Variants in LRP10 observed in about 807,000 individuals in gnomAD.
LRP10 encodes the protein low-density lipoprotein receptor-related protein 10.
LRP10 carries 42 observed loss-of-function variants against 58.5 expected under a neutral mutation model. That is an observed-to-expected ratio of 0.72 (90% confidence interval 0.56 to 0.93). The LOEUF (loss-of-function observed/expected upper bound fraction) is 0.93. Among genes scored for constraint, LRP10 ranks in the 40% least tolerant of loss-of-function variants. The probability of loss-of-function intolerance (pLI) is 0.00; values close to 1 mark genes in which losing one functional copy is unlikely to be tolerated. For synonymous variants in LRP10, 377 were observed against 388.5 expected, an observed-to-expected ratio of 0.97 and a Z score of 0.35; for missense variants, 872 against 940.1, an observed-to-expected ratio of 0.93 and a Z score of 0.95.
At chr14:22,873,171 G>A in intron 2 of LRP10, 140 bp from the exon 3 acceptor site, 1 of 986,096 alleles carries the variant, frequency 1.0e-6, no homozygotes, top group Non-Finnish European at 1.5e-6. Context: ...GTAACTCTAG[G>A]CTGTGTGTGG....
Position 22,879,409 on chromosome 14 carries a change from C to T in LRP10, c.*1882C>T, listed in dbSNP as rs943852017. On this transcript the variant is annotated 3_prime_UTR_variant, in exon 7 of 7. Transcript: ENST00000359591. ...CGCAAACAATCCAGGATCCACTCAG[C>T]GTCAGGCCCAATGGAAATAGTGAAG... 8 of 290,330 alleles carry T rather than the reference C, an allele frequency of 2.8e-5. No individual in the cohort carries two copies. Among genetic ancestry groups the T allele is most frequent in the East Asian group, 7.8e-5 (1 of 12,852 alleles). 18.0% of individuals were successfully genotyped at this position (290,330 alleles called of 1,614,324 possible).
At position 22,877,519 on chromosome 14, in the gene LRP10, C is replaced by G. The variant is rs754741685; in HGVS notation, c.2134C>G (p.Leu712Val). 2.5e-6 allele frequency: 4 copies of G among 1,599,168 alleles called. No homozygotes were observed. Among genetic ancestry groups the G allele is most frequent in the Non-Finnish European group, 3.4e-6 (4 of 1,172,478 alleles). Residue 712 changes from leucine (L) to valine (V), a missense_variant, in exon 7 of 7, where the codon CTT becomes GTT. Coordinates refer to ENST00000359591, the MANE Select transcript of LRP10 (RefSeq NM_014045.5). The surrounding 1 kb of genome is among the most constrained non-coding windows in gnomAD (Gnocchi z 5.1). The stretch of plus-strand genomic sequence containing the variant: ...AGCTGAGGCAGAGGATGAGCCACTG[C>G]TTACCTGAGGGGACCTGGGGGCTCT... ...WVAEAEDEPLLT is the reference protein window; with the variant it reads ...WVAEAEDEPLVT
chr14:22,871,766 G>C lies in LRP10; in HGVS notation c.-538G>C, dbSNP rs2039955669. 1 of 178,236 alleles carries C rather than the reference G, an allele frequency of 5.6e-6. No homozygotes were observed. Among genetic ancestry groups the C allele is most frequent in the Admixed American group, 6.3e-5 (1 of 15,894 alleles). The allele number at this position is 178,236 out of a possible 1,614,324, so 11.0% of individuals were successfully genotyped here. ...CCCGCCCCGGCTACTCCAACCCCTG[G>C]GCGGGCGGGGGTACCGCCTGGGCAA... On this transcript the variant is annotated 5_prime_UTR_variant, in exon 1 of 7. Transcript: ENST00000359591.
intron 2 of LRP10, chr14:22,872,988 T>C (rs1159351431): frequency 1.3e-5 from 8 of 623,472 alleles, no homozygotes; most frequent in Admixed American, 2.9e-5. Context: ...TCTGGGAATA[T>C]CTATGCTTGA....
At chr14:22,873,290 G>C (rs200843875) in intron 2 of LRP10, 21 bp from the exon 3 acceptor site, 2 of 1,607,994 alleles carry the variant, frequency 1.2e-6, no homozygotes, top group African/African-American at 2.7e-5. Context: ...TACTACCCGT[G>C]TCCTACCTTC....
At position 22,872,278 on chromosome 14, in the gene LRP10, C is replaced by A; in HGVS notation, c.-26C>A. The A allele has an allele frequency of 6.2e-7, 1 of 1,613,856 alleles. No homozygotes were observed. Among genetic ancestry groups the A allele is most frequent in the Non-Finnish European group, 8.5e-7 (1 of 1,179,796 alleles). On this transcript the variant is annotated 5_prime_UTR_variant, in exon 1 of 7. Coordinates refer to ENST00000359591, the MANE Select transcript of LRP10 (RefSeq NM_014045.5). ...GGTAGACCACAGAAGCTCCGGGACC[C>A]TTCCGGCACCTCTGGACAGCCCAGG...
In LRP10 at chr14:22,876,742, C is replaced by T. The variant is rs771554521; in HGVS notation, c.1478C>T (p.Pro493Leu). ...GCTGAGATTGTGCAGCAGCAGGCACCCCCTTCCTACGGGCAGCTCATTGCC... is the reference window on the plus strand; with the variant it reads ...GCTGAGATTGTGCAGCAGCAGGCACTCCCTTCCTACGGGCAGCTCATTGCC... The part of the protein sequence containing the change: ...MEAEIVQQQA[P>L]PSYGQLIAQG... The change falls in exon 6 of 7, where the codon CCC (proline) becomes CTC (leucine). Residue 493 changes from proline (P) to leucine (L), a missense_variant. Physicochemically the swap from Pro to Leu is moderately conservative, Grantham distance 98. Transcript: ENST00000359591. 1 of 1,614,036 alleles carries T rather than the reference C, an allele frequency of 6.2e-7. No individual in the cohort carries two copies.
Position 22,876,340 on chromosome 14 carries a change from C to T in LRP10, c.1392C>T (p.Cys464=), listed in dbSNP as rs1331978317. The change falls in exon 5 of 7, where the codon TGC becomes TGT. Residue 464 remains cysteine, a synonymous_variant. Coordinates refer to ENST00000359591, the MANE Select transcript of LRP10 (RefSeq NM_014045.5). ...LLLVIALGCT[C]KLYAIRTQEY... ...TGGTCATCGCCCTGGGCTGCACCTG[C>T]AAGCTCTATGCCATTCGCACCCAGG... 1.2e-6 allele frequency: 2 copies of T among 1,614,040 alleles called. No homozygotes were observed. Among genetic ancestry groups the T allele is most frequent in the South Asian group, 1.1e-5 (1 of 91,092 alleles).
In LRP10 at chr14:22,876,493, G is replaced by A. The variant is rs1209800813; in HGVS notation, c.1424+121G>A. ...AGAGGCTCCCATGATCAGCTTGTCA[G>A]TTGTGTCCTGTAAGGGACAGGTCCA... On this transcript the variant is annotated intron_variant, in intron 5 of 6. Transcript: ENST00000359591. 8 of 1,372,162 alleles carry A rather than the reference G, an allele frequency of 5.8e-6. No individual in the cohort carries two copies. In the African/African-American group the frequency reaches 7.1e-5, roughly 12 times the overall value. The allele number at this position is 1,372,162 out of a possible 1,614,324, so 85.0% of individuals were successfully genotyped here.
rs140145674 is a variant in LRP10 at position 22,875,184 on chromosome 14, T to A, written c.345T>A (p.Thr115=). ...LQLPGGNVTI[T]YSYAGARAPM... is the part of the protein sequence containing the mutation. ...TGCCCGGGGGCAACGTCACCATCAC[T>A]TACAGCTATGCTGGGGCCAGAGCAC... The change falls in exon 4 of 7, where the codon ACT becomes ACA. Residue 115 remains threonine, a synonymous_variant. Transcript: ENST00000359591. The A allele has an allele frequency of 1.2e-4, 193 of 1,613,150 alleles. 1 individual carries two copies. In the African/African-American group the frequency reaches 2.5e-3, roughly 21 times the overall value.
Position 22,872,037 on chromosome 14 carries a change from C to T in LRP10, c.-267C>T, listed in dbSNP as rs1595026915. The stretch of plus-strand genomic sequence containing the variant: ...CGCGCCCCAGTGCCGAGACCCGGGG[C>T]TTCAGGAGCCGGCCCCGGGAGAGAA... On this transcript the variant is annotated 5_prime_UTR_variant, in exon 1 of 7. Coordinates refer to ENST00000359591, the MANE Select transcript of LRP10 (RefSeq NM_014045.5). 1 of 571,012 alleles carries T rather than the reference C, an allele frequency of 1.8e-6. No individual in the cohort carries two copies. Among genetic ancestry groups the T allele is most frequent in the East Asian group, 3.0e-5 (1 of 32,798 alleles). The allele number at this position is 571,012 out of a possible 1,614,324, so 35.4% of individuals were successfully genotyped here. A position where few individuals can be genotyped will look rare whatever the true frequency, so the allele number is the denominator to read the frequency against.
rs2040021595 is a variant in LRP10, at chr14:22,877,495, G to C, written c.2110G>C (p.Ala704Pro). ...ACTGGCTGAGCCGGGGGTGTGGGTA[G>C]CTGAGGCAGAGGATGAGCCACTGCT... Reference protein sequence around the residue: ...VPLAEPGVWVAEAEDEPLLT With the variant: ...VPLAEPGVWVPEAEDEPLLT Residue 704 changes from alanine (A) to proline (P), a missense_variant, in exon 7 of 7, where the codon GCT becomes CCT. Ala to Pro is a conservative substitution (Grantham distance 27, BLOSUM62 -1). Coordinates refer to ENST00000359591, the MANE Select transcript of LRP10 (RefSeq NM_014045.5). The surrounding 1 kb of genome is among the most constrained non-coding windows in gnomAD (Gnocchi z 5.1). 2 of 1,609,418 alleles carry C rather than the reference G, an allele frequency of 1.2e-6. No individual in the cohort carries two copies. The highest frequency in any genetic ancestry group is 1.7e-6 in the Non-Finnish European group (2 of 1,178,268).
Position 22,879,187 on chromosome 14 carries a change from CCT to C in LRP10, c.*1665_*1666del, listed in dbSNP as rs1421135735. 2 of 456,656 alleles carry C rather than the reference CCT, an allele frequency of 4.4e-6. No homozygotes were observed. The highest frequency in any genetic ancestry group is 4.7e-5 in the Admixed American group (2 of 42,574). 28.3% of individuals were successfully genotyped at this position (456,656 alleles called of 1,614,324 possible). On this transcript the variant is annotated 3_prime_UTR_variant, in exon 7 of 7. Transcript: ENST00000359591. ...AACCCAGCACTAATTGCACAATTTT[CCT>C]CTCTTCTAGTGAGCAAGAGCCTGAG...
rs1322300774 is a variant in LRP10, at chr14:22,876,767, C to G, written c.1503C>G (p.Ala501=). 2.5e-6 allele frequency: 4 copies of G among 1,613,954 alleles called. No individual in the cohort carries two copies. Among genetic ancestry groups the G allele is most frequent in the African/African-American group, 2.7e-5 (2 of 74,978 alleles). Residue 501 remains alanine, a synonymous_variant, in exon 6 of 7, where the codon GCC becomes GCG. Transcript: ENST00000359591. ...QAPPSYGQLI[A]QGAIPPVEDF... is the part of the protein sequence containing the mutation. ...CCCCTTCCTACGGGCAGCTCATTGC[C>G]CAGGGTGCCATCCCACCTGTAGAAG... is the stretch of plus-strand genomic sequence containing the variant.
At chr14:22,873,548 G>A (rs1204284283) in intron 3 of LRP10, 102 bp downstream of exon 3, 6 of 1,363,080 alleles carry the variant, frequency 4.4e-6, no homozygotes, top group Non-Finnish European at 4.9e-6. Context: ...TTTTGAGACG[G>A]AGTTTCACTC....
Position 22,877,749 on chromosome 14 carries a change from C to T in LRP10, c.*222C>T. 1 of 464,090 alleles carries T rather than the reference C, an allele frequency of 2.2e-6. No homozygotes were observed. Among genetic ancestry groups the T allele is most frequent in the Non-Finnish European group, 3.8e-6 (1 of 263,842 alleles). 28.7% of individuals were successfully genotyped at this position (464,090 alleles called of 1,614,324 possible). On this transcript the variant is annotated 3_prime_UTR_variant, in exon 7 of 7. Coordinates refer to ENST00000359591, the MANE Select transcript of LRP10 (RefSeq NM_014045.5). This position sits in a 1 kb window ranked among gnomAD's most constrained non-coding sequence, Gnocchi z 5.1. ...AGTCTCCTCTGTACGTGGCCATGGC[C>T]AGACACCCCAGTCCCTTCACCACCA...
rs774537748 is a variant in LRP10 at position 22,876,932 on chromosome 14, C to T, written c.1555-8C>T. ...CTCTGACTCTGAGGCCTCCTCATTT[C>T]CTTGCAGAACTCAGTGCTGGGCAAC... On this transcript the variant is annotated splice_region_variant and splice_polypyrimidine_tract_variant and intron_variant, in intron 6 of 6. Transcript: ENST00000359591. 2 of 1,580,970 alleles carry T rather than the reference C, an allele frequency of 1.3e-6. No individual in the cohort carries two copies. Among genetic ancestry groups the T allele is most frequent in the Non-Finnish European group, 1.7e-6 (2 of 1,160,646 alleles).
rs983987265 is a variant in LRP10 at position 22,873,465 on chromosome 14, G to A, written c.215+19G>A. 1.2e-6 allele frequency: 2 copies of A among 1,612,404 alleles called. No individual in the cohort carries two copies. Among genetic ancestry groups the A allele is most frequent in the Non-Finnish European group, 8.5e-7 (1 of 1,179,042 alleles). On this transcript the variant is annotated intron_variant, in intron 3 of 6. Coordinates refer to ENST00000359591, the MANE Select transcript of LRP10 (RefSeq NM_014045.5). ...CCATCAGGTGAGAAGCAGAACAAGAGCAAGAACCCATTCTTCTCCCCTGCC... is the reference window on the plus strand; with the variant it reads ...CCATCAGGTGAGAAGCAGAACAAGAACAAGAACCCATTCTTCTCCCCTGCC...
rs972806885 is a variant in LRP10, at chr14:22,881,605, C to G, written c.*4078C>G. On this transcript the variant is annotated 3_prime_UTR_variant, in exon 7 of 7. Coordinates refer to ENST00000359591, the MANE Select transcript of LRP10 (RefSeq NM_014045.5). ...ATTTTGTGTGTGTGTGGTGTTGCCT[C>G]CCTGACTACAAGGGGTCACTTGCTA... The G allele has an allele frequency of 6.6e-6, 1 of 152,116 alleles. No homozygotes were observed. Among genetic ancestry groups the G allele is most frequent in the Admixed American group, 6.6e-5 (1 of 15,262 alleles). The allele number at this position is 152,116 out of a possible 1,614,324, so 9.4% of individuals were successfully genotyped here. A position where few individuals can be genotyped will look rare whatever the true frequency, so the allele number is the denominator to read the frequency against.
Sources: gnomAD v4.1 joint callset for allele counts on GRCh38, gnomAD v4.1.1 for gene constraint, Gnocchi (gnomAD v3.1) non-coding constraint, MANE v1.5 for transcripts, NCBI Gene and HGNC (gene_info 2026-07-23, HGNC 2026-07-21) for gene names.